Variants in DCLK2 observed in about 807,000 individuals in gnomAD.
DCLK2 encodes serine/threonine-protein kinase DCLK2.
In DCLK2, 31 loss-of-function variants were observed where a neutral mutation model predicts 78.4. That is an observed-to-expected ratio of 0.40 (90% CI 0.30 to 0.53). The LOEUF is 0.53. Ranked by LOEUF, DCLK2 falls within the 20% of genes least tolerant of loss-of-function variation. The pLI, the probability that DCLK2 is intolerant of heterozygous loss-of-function variation, is 0.61. For missense variants in DCLK2, 872 were observed against 973.7 expected, an observed-to-expected ratio of 0.90 and a Z score of 1.39; for synonymous variants, 407 against 374.9, an observed-to-expected ratio of 1.09 and a Z score of -0.99.
chr4:150,175,056 A>ATATTTG lies in DCLK2; in HGVS notation c.757-18079_757-18078insTTGTAT, dbSNP rs1553964215. Among the ~76,000 whole-genome samples the ATATTTG allele has an allele frequency of 4.3e-3, 74 of 17,068 alleles. 15 individuals carry two copies. The highest frequency in any genetic ancestry group is 0.011 in the African/African-American group (68 of 6,434). 11.2% of individuals were successfully genotyped at this position (17,068 alleles called of 152,430 possible). A position where few individuals can be genotyped will look rare whatever the true frequency, so the allele number is the denominator to read the frequency against. Reference sequence around the variant, plus strand: ...TATTTATATATATTTATATATTTATATATATATTTATATATATTTATATAT... The same window carrying ATATTTG: ...TATTTATATATATTTATATATTTATATATTTGTATATATTTATATATATTTATATAT... On this transcript the variant is annotated intron_variant, in intron 2 of 15. Coordinates refer to ENST00000296550, the MANE Select transcript of DCLK2 (RefSeq NM_001040260.4).
At chr4:150,243,083 T>G (rs1743047009) in intron 12 of DCLK2, among the ~76,000 whole-genome samples, 2 of 152,226 alleles carry the variant, frequency 1.3e-5, no homozygotes, top group Non-Finnish European at 2.9e-5. Context: ...TTGCAGTTGC[T>G]GGTGCAGCCT....
At chr4:150,200,503 A>G (rs577193556) in intron 4 of DCLK2, among the ~76,000 whole-genome samples, 1 of 152,318 alleles carries the variant, frequency 6.6e-6, no homozygotes, top group South Asian at 2.1e-4. Context: ...GTATAGTGCT[A>G]TATAGCGTGT....
chr4:150,134,380 C>T (rs1422439596), intron 2 of DCLK2, among the ~76,000 whole-genome samples: 1 of 152,056 alleles, frequency 6.6e-6, no homozygotes, highest in African/African-American at 2.4e-5. Context: ...CCATGCCTGG[C>T]CATTTTTGTG....
At position 150,193,243 on chromosome 4, in the gene DCLK2, A is replaced by G. The variant is rs1369204945; in HGVS notation, c.859+3A>G. On this transcript the variant is annotated splice_donor_region_variant and intron_variant, in intron 3 of 15. Transcript: ENST00000296550. Reference sequence around the variant, plus strand: ...TGACTTTGTCCTGGATCATAGTGGTAAGGCAATTCTTCAGCTAATTCATTT... The same window carrying G: ...TGACTTTGTCCTGGATCATAGTGGTGAGGCAATTCTTCAGCTAATTCATTT... The G allele has an allele frequency of 3.2e-6, 5 of 1,574,392 alleles. No individual in the cohort carries two copies. In the Admixed American group the frequency reaches 8.4e-5, roughly 26 times the overall value.
intron 14 of DCLK2, 76 bp downstream of exon 14, chr4:150,248,461 T>C (rs1743497150): frequency 1.6e-6 from 2 of 1,247,568 alleles, no homozygotes; most frequent in East Asian, 4.7e-5. Flanking sequence ...CTGTGATGTT[T>C]GCACATGCAA....
At chr4:150,233,056 A>G (rs953167818) in intron 10 of DCLK2, among the ~76,000 whole-genome samples, 1 of 152,226 alleles carries the variant, frequency 6.6e-6, no homozygotes, top group African/African-American at 2.4e-5. Flanking sequence ...GCTATAAAGA[A>G]CTACCTGAGA....
At chr4:150,117,895 G>T (rs745793521) in intron 2 of DCLK2, among the ~76,000 whole-genome samples, 1 of 152,088 alleles carries the variant, frequency 6.6e-6, no homozygotes, top group African/African-American at 2.4e-5. Flanking sequence ...CTTTTCACGT[G>T]GTAGAGGCAT....
chr4:150,197,701 G>T (rs994228471), intron 3 of DCLK2, among the ~76,000 whole-genome samples: 1 of 151,820 alleles, frequency 6.6e-6, no homozygotes, highest in East Asian at 1.9e-4. Flanking sequence ...GTTGCAGTGA[G>T]CAGAATCGCT....
intron 5 of DCLK2, among the ~76,000 whole-genome samples, chr4:150,204,818 G>A (rs1739724000): frequency 6.6e-6 from 1 of 151,964 alleles, no homozygotes; most frequent in Non-Finnish European, 1.5e-5. Flanking sequence ...CTTGCACCCA[G>A]GAGGCAGAGG....
intron 1 of DCLK2, among the ~76,000 whole-genome samples, chr4:150,090,738 G>GT (rs1291304932): frequency 2.0e-5 from 3 of 152,004 alleles, no homozygotes; most frequent in African/African-American, 7.3e-5. Flanking sequence ...ATAGATATTC[G>GT]TAGGGTCAAA....
chr4:150,248,785 C>T (rs912407486), intron 14 of DCLK2, among the ~76,000 whole-genome samples: 1 of 152,102 alleles, frequency 6.6e-6, no homozygotes, highest in Non-Finnish European at 1.5e-5. Context: ...AACGTGCTCT[C>T]AGGAGACCTC....
chr4:150,220,851 C>A, intron 6 of DCLK2, 73 bp downstream of exon 6: 1 of 1,207,558 alleles, frequency 8.3e-7, no homozygotes, highest in Non-Finnish European at 1.2e-6. Context: ...CTAAAACTCA[C>A]TTGTGCTAAA....
At chr4:150,203,414 T>C (rs1739594313) in intron 4 of DCLK2, among the ~76,000 whole-genome samples, 1 of 152,192 alleles carries the variant, frequency 6.6e-6, no homozygotes, top group African/African-American at 2.4e-5. Flanking sequence ...ACCAAGATAG[T>C]GGATATTGAA....
At position 150,256,209 on chromosome 4, in the gene DCLK2, G is replaced by C. The variant is rs1322888854; in HGVS notation, c.2263G>C (p.Gly755Arg). Reference protein sequence around the residue: ...TPHPPPAAPGGERAGTWRRHR... With the variant: ...TPHPPPAAPGRERAGTWRRHR... Reference sequence around the variant, plus strand: ...CCACCCTCCTCCCGCTGCCCCGGGTGGTGAGCGGGCAGGAACCTGGCGCCG... The same window carrying C: ...CCACCCTCCTCCCGCTGCCCCGGGTCGTGAGCGGGCAGGAACCTGGCGCCG... Residue 755 changes from glycine (G) to arginine (R), a missense_variant, in exon 16 of 16, where the codon GGT becomes CGT. By Grantham distance (125) the Gly-to-Arg change is moderately radical (BLOSUM62 -2). Transcript: ENST00000296550. The C allele has an allele frequency of 5.2e-6, 8 of 1,544,032 alleles. No individual in the cohort carries two copies. In the East Asian group the frequency reaches 1.7e-4, roughly 33 times the overall value.
At chr4:150,179,616 C>G (rs1255672868) in intron 2 of DCLK2, among the ~76,000 whole-genome samples, 1 of 152,086 alleles carries the variant, frequency 6.6e-6, no homozygotes, top group Non-Finnish European at 1.5e-5. Context: ...TATGTACAGA[C>G]AATCAATTCC....
chr4:150,250,977 C>T (rs1743825337), intron 15 of DCLK2, among the ~76,000 whole-genome samples: 1 of 2,800 alleles, frequency 3.6e-4, no homozygotes, highest in Admixed American at 2.5e-3. Flanking sequence ...CCACACATCC[C>T]CCACACCACA....
chr4:150,193,117 G>C (rs1379656401), intron 2 of DCLK2, 21 bp from the exon 3 acceptor site: 1 of 1,441,698 alleles, frequency 6.9e-7, no homozygotes, highest in Non-Finnish European at 9.7e-7. Context: ...TTTATTTCTT[G>C]GACATGATTT....
chr4:150,221,774 G>A lies in DCLK2; in HGVS notation c.1230G>A (p.Glu410=). ...ATGGCAATTTTGCAGTAGTCAAAGA[G>A]TGTATAGACAGGTGAGTGGACAGTG... ...IGDGNFAVVK[E]CIDRSTGKEF... is the part of the protein sequence containing the mutation. The change falls in exon 7 of 16, where the codon GAG becomes GAA. Residue 410 remains glutamate, a synonymous_variant. Coordinates refer to ENST00000296550, the MANE Select transcript of DCLK2 (RefSeq NM_001040260.4). The A allele has an allele frequency of 1.3e-6, 2 of 1,586,354 alleles. No homozygotes were observed. The highest frequency in any genetic ancestry group is 1.2e-5 in the South Asian group (1 of 85,890).
chr4:150,131,804 C>T (rs566803052), intron 2 of DCLK2, among the ~76,000 whole-genome samples: 46 of 152,196 alleles, frequency 3.0e-4, no homozygotes, highest in African/African-American at 1.1e-3. Context: ...TGTGTGCTGC[C>T]CTTCCCTGAC....
Sources: gnomAD v4.1 joint callset for allele counts (sites outside exome capture counted in the v4.1 genomes callset) on GRCh38, gnomAD v4.1.1 for gene constraint, MANE v1.5 for transcripts, NCBI Gene and HGNC (gene_info 2026-07-23, HGNC 2026-07-21) for gene names.